TNS3: variants seen among roughly 807,000 people sequenced by gnomAD.
The protein encoded by TNS3 is tensin 3, also known as tensin-3.
In TNS3, 45 loss-of-function variants were observed where a neutral mutation model predicts 140.9. The observed-to-expected ratio is 0.32, with a 90% CI of 0.25 to 0.41. The LOEUF (loss-of-function observed/expected upper bound fraction) is 0.41. Ranked by LOEUF, TNS3 falls within the 10% of genes least tolerant of loss-of-function variation. TNS3 has a pLI of 1.00. For missense variants in TNS3, 1,716 were observed against 1,906.7 expected (o/e 0.90, Z 1.86); for synonymous variants, 815 against 788.4 (o/e 1.03, Z -0.56).
At chr7:47,494,512 G>A (rs965808007) in intron 3 of TNS3, among the ~76,000 whole-genome samples, 2 of 152,220 alleles carry the variant, frequency 1.3e-5, no homozygotes, top group Non-Finnish European at 2.9e-5. Flanking sequence ...ACACAGTTGT[G>A]AGTTTGTTAT....
At chr7:47,374,752 A>G (rs530322766) in intron 16 of TNS3, among the ~76,000 whole-genome samples, 1 of 152,302 alleles carries the variant, frequency 6.6e-6, no homozygotes, top group Non-Finnish European at 1.5e-5. Context: ...TACTGATAAT[A>G]TGGTTCTGGT....
chr7:47,430,595 T>C (rs1011731029), intron 8 of TNS3, among the ~76,000 whole-genome samples: 2 of 152,064 alleles, frequency 1.3e-5, no homozygotes, highest in African/African-American at 4.8e-5. Flanking sequence ...TACAGACATA[T>C]ACAGAACATT....
At chr7:47,500,638 T>C (rs1798177210) in intron 3 of TNS3, among the ~76,000 whole-genome samples, 1 of 152,112 alleles carries the variant, frequency 6.6e-6, no homozygotes, top group Non-Finnish European at 1.5e-5. Context: ...AATCCTATGC[T>C]CAAATGAAGA....
At chr7:47,578,805 A>C (rs1784460159) in intron 1 of TNS3, among the ~76,000 whole-genome samples, 1 of 152,230 alleles carries the variant, frequency 6.6e-6, no homozygotes. Context: ...GATAGACATC[A>C]AGGAAACCAC....
chr7:47,481,721 G>A (rs570311029), intron 3 of TNS3: 651 of 985,298 alleles, frequency 6.6e-4, no homozygotes, highest in Non-Finnish European at 7.3e-4. Context: ...TCTGAAGACC[G>A]AGAGCTCCCT....
intron 1 of TNS3, among the ~76,000 whole-genome samples, chr7:47,558,757 C>G (rs1800261029): frequency 6.6e-6 from 1 of 152,176 alleles, no homozygotes; most frequent in South Asian, 2.1e-4. Flanking sequence ...TCCCACTCTC[C>G]CACACAGCCA....
intron 1 of TNS3, among the ~76,000 whole-genome samples, chr7:47,562,298 A>G (rs568678474): frequency 6.6e-6 from 1 of 152,182 alleles, no homozygotes; most frequent in African/African-American, 2.4e-5. Flanking sequence ...AGTTATCTTA[A>G]GTAGACTCAA....
rs775011054 is a variant in TNS3 at position 47,435,313 on chromosome 7, T to C, written c.293A>G (p.Asn98Ser). 2.5e-6 allele frequency: 4 copies of C among 1,613,960 alleles called. No homozygotes were observed. The highest frequency in any genetic ancestry group is 1.3e-5 in the African/African-American group (1 of 74,900). Residue 98 changes from asparagine to serine, a missense_variant, in exon 8 of 31, where the codon AAC (asparagine) becomes AGC (serine). Asn to Ser is a conservative substitution (Grantham distance 46, BLOSUM62 1). Around this residue, in one of 3 missense-constraint regions of TNS3, gnomAD observed 337 missense variants for 428.9 expected, o/e 0.79. Transcript: ENST00000311160. Reference sequence around the variant, plus strand: ...GTGAATGACGACCACATGCTGGAGGTTGCTGTTCAGCCAGGACTCCTGCGC... The same window carrying C: ...GTGAATGACGACCACATGCTGGAGGCTGCTGTTCAGCCAGGACTCCTGCGC... ...CKAQESWLNS[N>S]LQHVVVIHCR...
chr7:47,423,261 C>G (rs563111579), intron 10 of TNS3, among the ~76,000 whole-genome samples: 1 of 152,338 alleles, frequency 6.6e-6, no homozygotes, highest in East Asian at 1.9e-4. Context: ...CTACAAATTC[C>G]CTGCTGTGGG....
At chr7:47,519,056 T>G (rs1401145578) in intron 2 of TNS3, among the ~76,000 whole-genome samples, 2 of 152,188 alleles carry the variant, frequency 1.3e-5, no homozygotes, top group African/African-American at 2.4e-5. Flanking sequence ...AGCCTGTGAG[T>G]AGGGCCAGCC....
chr7:47,309,105 ATGTT>A lies in TNS3; in HGVS notation c.2651-4106_2651-4103del, dbSNP rs1296214969. ...AAACTGGGACAACTGTACTGTCACC[ATGTT>A]TGTTTCTTACTTTTCAGGGATCGTT... On this transcript the variant is annotated intron_variant, in intron 20 of 30. Transcript: ENST00000311160. 2.0e-5 allele frequency among the ~76,000 whole-genome samples: 3 copies of A among 152,102 alleles called. No homozygotes were observed. In the East Asian group the frequency reaches 5.8e-4, roughly 29 times the overall value.
At chr7:47,383,047 A>G (rs1791864846) in intron 16 of TNS3, among the ~76,000 whole-genome samples, 1 of 152,236 alleles carries the variant, frequency 6.6e-6, no homozygotes, top group Admixed American at 6.5e-5. Flanking sequence ...AAAGATGTGG[A>G]AATTTCAAAA....
At chr7:47,324,508 T>A (rs1452339277) in intron 20 of TNS3, among the ~76,000 whole-genome samples, 1 of 152,130 alleles carries the variant, frequency 6.6e-6, no homozygotes, top group Non-Finnish European at 1.5e-5. Flanking sequence ...TCCCAGCACT[T>A]TAGGAGGCGG....
intron 3 of TNS3, among the ~76,000 whole-genome samples, chr7:47,489,927 A>G (rs1417393402): frequency 6.6e-6 from 1 of 152,226 alleles, no homozygotes; most frequent in Non-Finnish European, 1.5e-5. Context: ...AGGCAGAATC[A>G]GGGTCTACAG....
At chr7:47,343,519 C>G (rs911813618) in intron 20 of TNS3, among the ~76,000 whole-genome samples, 1 of 152,200 alleles carries the variant, frequency 6.6e-6, no homozygotes, top group Non-Finnish European at 1.5e-5. Context: ...GGGCTAGATG[C>G]CAGCCCAAAC....
At chr7:47,417,761 C>CAA (rs146846028) in intron 10 of TNS3, among the ~76,000 whole-genome samples, 1 of 150,570 alleles carries the variant, frequency 6.6e-6, no homozygotes, top group Non-Finnish European at 1.5e-5. Context: ...ACAACAACAA[C>CAA]AAAAAAAAAC....
chr7:47,533,123 A>ATATTTT (rs1186427934), intron 1 of TNS3, among the ~76,000 whole-genome samples: 9 of 88,818 alleles, frequency 1.0e-4, no homozygotes, highest in African/African-American at 5.6e-4. Context: ...ATATATATAT[A>ATATTTT]TTTTTTTTTT....
chr7:47,443,340 A>G (rs1305555602), intron 4 of TNS3, among the ~76,000 whole-genome samples: 1 of 152,142 alleles, frequency 6.6e-6, no homozygotes, highest in Non-Finnish European at 1.5e-5. Context: ...GGTCAAGTGA[A>G]GTCCCGTGGT....
At chr7:47,510,371 G>A (rs920812113) in intron 2 of TNS3, among the ~76,000 whole-genome samples, 4 of 152,166 alleles carry the variant, frequency 2.6e-5, no homozygotes, top group Non-Finnish European at 4.4e-5. Context: ...AGGCAGACCC[G>A]CCTCCTTTTT....
Sources: allele counts gnomAD v4.1 joint callset (sites outside exome capture counted in the v4.1 genomes callset), GRCh38; gene constraint gnomAD v4.1.1; regional missense constraint gnomAD v4.1.1; transcripts MANE v1.5; gene names NCBI Gene and HGNC (gene_info 2026-07-23, HGNC 2026-07-21).